The following F3 variants were observed in gnomAD, a reference collection of about 807,000 sequenced individuals.
F3 encodes the protein coagulation factor III, tissue factor.
Under a neutral mutation model 33.5 loss-of-function variants are expected in F3, and 18 were observed. The observed-to-expected ratio is 0.54, with a 90% CI of 0.37 to 0.80. The LOEUF (loss-of-function observed/expected upper bound fraction) is 0.80, where lower values mean the gene tolerates loss of function less well. F3 is among the 30% of genes least tolerant of loss of function. F3 has a pLI of 0.00. For missense variants in F3, 353 were observed against 362.1 expected (o/e 0.97, Z 0.20); for synonymous variants, 147 against 140.7 (o/e 1.05, Z -0.32).
At chr1:94,532,253 GAGC>G in intron 5 of F3, 65 bp downstream of exon 5, 1 of 1,485,018 alleles carries the variant, frequency 6.7e-7, no homozygotes, top group Non-Finnish European at 9.2e-7. Context: ...CCTGAGGGTG[GAGC>G]TACTCCTCCA....
chr1:94,537,185 C>T (rs1379558915), intron 2 of F3, among the ~76,000 whole-genome samples: 1 of 152,134 alleles, frequency 6.6e-6, no homozygotes, highest in Admixed American at 6.5e-5. Context: ...TGAGACGTCA[C>T]TGAAGGGGAA....
Position 94,530,526 on chromosome 1 carries a change from T to C in F3, c.822A>G (p.Leu274=). The C allele has an allele frequency of 6.2e-7, 1 of 1,614,064 alleles. No individual in the cohort carries two copies. The highest frequency in any genetic ancestry group is 8.5e-7 in the Non-Finnish European group (1 of 1,179,960). The change falls in exon 6 of 6, where the codon CTA becomes CTG. Residue 274 remains leucine (L), a synonymous_variant. Transcript: ENST00000334047. ...CCACTCCTGCCTTTCTACACTTGTG[T>C]AGAGATATAGCCAGGATGATGACAA... ...IILVIILAIS[L]HKCRKAGVGQ...
intron 2 of F3, among the ~76,000 whole-genome samples, chr1:94,538,149 C>T (rs918595902): frequency 1.3e-5 from 2 of 152,212 alleles, no homozygotes; most frequent in African/African-American, 2.4e-5. Context: ...AAGGTTCCTC[C>T]AGGCATTGCA....
In F3 at chr1:94,536,126, G is replaced by A. The variant is rs77418724; in HGVS notation, c.251C>T (p.Thr84Ile). ...GGTGAGGTCACACTCTGTGTCTGTT[G>A]TGTAAAAGCATTTGCTTTTCCAATC... ...SGDWKSKCFY[T>I]TDTECDLTDE... Residue 84 changes from threonine to isoleucine, a missense_variant, in exon 3 of 6, where the codon ACA (threonine) becomes ATA (isoleucine). By Grantham distance (89) the Thr-to-Ile change is moderately conservative. Transcript: ENST00000334047. 6.2e-7 allele frequency: 1 copy of A among 1,614,124 alleles called. No homozygotes were observed. The highest frequency in any genetic ancestry group is 1.3e-5 in the African/African-American group (1 of 75,022).
intron 3 of F3, 38 bp from the exon 4 acceptor site, chr1:94,533,306 A>G: frequency 6.3e-7 from 1 of 1,586,480 alleles, no homozygotes; most frequent in South Asian, 1.2e-5. Flanking sequence ...GAACCAAAGA[A>G]TTCTGTACAA....
At chr1:94,531,371 A>G (rs899095456) in intron 5 of F3, among the ~76,000 whole-genome samples, 2 of 148,498 alleles carry the variant, frequency 1.3e-5, no homozygotes, top group Non-Finnish European at 3.0e-5. Flanking sequence ...GTCCAATCTC[A>G]GCTCACTTCA....
In F3 at chr1:94,530,558, T is replaced by G. The variant is rs766790683; in HGVS notation, c.790A>C (p.Ile264Leu). ...ATAGCCAGGATGATGACAAGGATGA[T>G]GACCACAAATACCACAGCTCCAATG... ...YIIGAVVFVV[I>L]ILVIILAISL... The change falls in exon 6 of 6, where the codon ATC becomes CTC. Residue 264 changes from isoleucine (I) to leucine (L), a missense_variant. By Grantham distance (5) the Ile-to-Leu change is conservative. Coordinates refer to ENST00000334047, the MANE Select transcript of F3 (RefSeq NM_001993.5). 1 of 1,614,048 alleles carries G rather than the reference T, an allele frequency of 6.2e-7. No homozygotes were observed. Among genetic ancestry groups the G allele is most frequent in the African/African-American group, 1.3e-5 (1 of 74,930 alleles).
intron 5 of F3, among the ~76,000 whole-genome samples, chr1:94,531,027 G>A (rs1651407107): frequency 6.6e-6 from 1 of 152,214 alleles, no homozygotes; most frequent in South Asian, 2.1e-4. Context: ...TCTGGTGGAA[G>A]TGGCGTTTGA....
At chr1:94,541,499 T>A in intron 1 of F3, 38 bp downstream of exon 1, 1 of 1,409,214 alleles carries the variant, frequency 7.1e-7, no homozygotes, top group Non-Finnish European at 9.3e-7. Flanking sequence ...CTCCTGCGTG[T>A]GGCGCGCCCC....
intron 5 of F3, among the ~76,000 whole-genome samples, chr1:94,532,113 G>C (rs1354872079): frequency 6.6e-6 from 1 of 152,210 alleles, no homozygotes. Context: ...AATCAACACA[G>C]AAACATTTCT....
intron 2 of F3, among the ~76,000 whole-genome samples, chr1:94,538,898 GC>G (rs1373362475): frequency 6.6e-6 from 1 of 152,122 alleles, no homozygotes; most frequent in Non-Finnish European, 1.5e-5. Flanking sequence ...CTGTAGCCCT[GC>G]GCTCTGCTGT....
chr1:94,541,582 T>C lies in F3; in HGVS notation c.55A>G (p.Thr19Ala), dbSNP rs1651780762. ...VPRPETAVARTLLLGWVFAQV... is the reference protein window; with the variant it reads ...VPRPETAVARALLLGWVFAQV... Reference sequence around the variant, plus strand: ...GCGAAGACCCAGCCGAGCAGGAGCGTCCGAGCGACGGCGGTCTCGGGGCGC... The same window carrying C: ...GCGAAGACCCAGCCGAGCAGGAGCGCCCGAGCGACGGCGGTCTCGGGGCGC... The change falls in exon 1 of 6, where the codon ACG becomes GCG. Residue 19 changes from threonine to alanine, a missense_variant. Transcript: ENST00000334047. 6.7e-7 allele frequency: 1 copy of C among 1,483,944 alleles called. No individual in the cohort carries two copies. The highest frequency in any genetic ancestry group is 1.4e-5 in the African/African-American group (1 of 69,156). 91.9% of individuals were successfully genotyped at this position (1,483,944 alleles called of 1,614,324 possible). A position where few individuals can be genotyped will look rare whatever the true frequency, so the allele number is the denominator to read the frequency against.
intron 1 of F3, 112 bp downstream of exon 1, chr1:94,541,425 G>A: frequency 9.7e-6 from 8 of 826,644 alleles, no homozygotes; most frequent in Non-Finnish European, 1.2e-5. Context: ...CGTAGGCGCG[G>A]GGGACAACAT....
chr1:94,534,228 T>C (rs1217639547), intron 3 of F3, among the ~76,000 whole-genome samples: 1 of 152,210 alleles, frequency 6.6e-6, no homozygotes, highest in African/African-American at 2.4e-5. Flanking sequence ...ATTGTAAGAA[T>C]ACAGTATATA....
At chr1:94,538,783 A>G (rs1359255939) in intron 2 of F3, among the ~76,000 whole-genome samples, 1 of 152,156 alleles carries the variant, frequency 6.6e-6, no homozygotes, top group Non-Finnish European at 1.5e-5. Flanking sequence ...AGAAGAGTGC[A>G]CACCTCAGGC....
intron 2 of F3, among the ~76,000 whole-genome samples, chr1:94,537,741 T>G (rs1375864338): frequency 1.3e-5 from 2 of 152,178 alleles, no homozygotes; most frequent in African/African-American, 4.8e-5. Flanking sequence ...GTGCACAAAC[T>G]AAGATTGATA....
At chr1:94,534,522 T>C (rs999277599) in intron 3 of F3, among the ~76,000 whole-genome samples, 1 of 152,220 alleles carries the variant, frequency 6.6e-6, no homozygotes, top group Admixed American at 6.5e-5. Context: ...ACTTAGAGCA[T>C]TAGCCATATT....
At chr1:94,536,224 A>G (rs1651601699) in intron 2 of F3, 60 bp from the exon 3 acceptor site, 1 of 1,471,126 alleles carries the variant, frequency 6.8e-7, no homozygotes, top group Non-Finnish European at 9.5e-7. Context: ...ACCCAACAAG[A>G]TAGACTGCTT....
intron 3 of F3, among the ~76,000 whole-genome samples, chr1:94,534,095 G>A (rs1448586756): frequency 6.6e-6 from 1 of 152,052 alleles, no homozygotes; most frequent in Non-Finnish European, 1.5e-5. Flanking sequence ...TTGAACTCCT[G>A]ACCTCAAGTG....
Sources: allele counts gnomAD v4.1 joint callset (sites outside exome capture counted in the v4.1 genomes callset), GRCh38; gene constraint gnomAD v4.1.1; transcripts MANE v1.5; gene names NCBI Gene and HGNC (gene_info 2026-07-23, HGNC 2026-07-21).